Variants in ULK4 observed in about 807,000 individuals in gnomAD.
ULK4 encodes the protein unc-51 like kinase 4.
ULK4 carries 133 observed loss-of-function variants against 160.6 expected under a neutral mutation model. The observed-to-expected ratio is 0.83, with a 90% CI of 0.72 to 0.96. The LOEUF (loss-of-function observed/expected upper bound fraction) is 0.96. Ranked by LOEUF, ULK4 falls within the 40% of genes least tolerant of loss-of-function variation. The pLI is 0.00. For synonymous variants in ULK4, 534 were observed against 539.8 expected (o/e 0.99, Z 0.15); for missense variants, 1,580 against 1,499.5 (o/e 1.05, Z -0.89).
intron 35 of ULK4, among the ~76,000 whole-genome samples, chr3:41,335,593 G>T (rs1483440865): frequency 6.6e-6 from 1 of 152,040 alleles, no homozygotes; most frequent in Non-Finnish European, 1.5e-5. Flanking sequence ...GAAAATTATG[G>T]CCTGTGATGT....
intron 30 of ULK4, among the ~76,000 whole-genome samples, chr3:41,636,210 C>T (rs1359874494): frequency 1.3e-5 from 2 of 152,178 alleles, no homozygotes; most frequent in African/African-American, 4.8e-5. Context: ...AAGCACCCAA[C>T]ACTGTCTGGT....
At chr3:41,848,072 T>C (rs752938107) in intron 17 of ULK4, among the ~76,000 whole-genome samples, 2 of 152,208 alleles carry the variant, frequency 1.3e-5, no homozygotes, top group Admixed American at 1.3e-4. Context: ...TGCATGTTAA[T>C]TGGCTAAATG....
rs143942817 is a variant in ULK4, at chr3:41,413,324, G to A, written c.3493-15060C>T. ...TGGGGACACAGCCAAGCCATATCAG[G>A]CGTGAATATAAAAGCTGAAACTATA... On this transcript the variant is annotated intron_variant, in intron 34 of 36. Coordinates refer to ENST00000301831, the MANE Select transcript of ULK4 (RefSeq NM_017886.4). Among the ~76,000 whole-genome samples the A allele has an allele frequency of 3.8e-3, 581 of 152,256 alleles. 4 individuals are homozygous for A. The highest frequency in any genetic ancestry group is 0.013 in the African/African-American group (527 of 41,544).
chr3:41,263,854 T>G (rs2078986012), intron 35 of ULK4, among the ~76,000 whole-genome samples: 1 of 152,194 alleles, frequency 6.6e-6, no homozygotes. Flanking sequence ...AATAGGACAG[T>G]GTGTATTGAG....
intron 35 of ULK4, among the ~76,000 whole-genome samples, chr3:41,357,700 A>G (rs1034504036): frequency 6.6e-6 from 1 of 152,190 alleles, no homozygotes; most frequent in Admixed American, 6.5e-5. Flanking sequence ...ACAGCTCAGC[A>G]TAGGTATAGG....
chr3:41,282,701 A>G (rs1280102664), intron 35 of ULK4, among the ~76,000 whole-genome samples: 12 of 152,236 alleles, frequency 7.9e-5, no homozygotes. Context: ...AAAACCCTTG[A>G]AGAAAACCTA....
chr3:41,539,374 T>C (rs1253131652), intron 32 of ULK4, among the ~76,000 whole-genome samples: 4 of 152,120 alleles, frequency 2.6e-5, no homozygotes, highest in Non-Finnish European at 5.9e-5. Flanking sequence ...CGATCACTAC[T>C]CTGTACCACC....
chr3:41,874,166 T>C (rs1697216867), intron 17 of ULK4, among the ~76,000 whole-genome samples: 1 of 152,174 alleles, frequency 6.6e-6, no homozygotes. Flanking sequence ...TGATTATGTG[T>C]AGTTGTTCTA....
intron 32 of ULK4, among the ~76,000 whole-genome samples, chr3:41,549,105 T>C (rs2086973153): frequency 6.6e-6 from 1 of 152,070 alleles, no homozygotes; most frequent in Admixed American, 6.5e-5. Flanking sequence ...ACAAGATGCA[T>C]CGATATCAAC....
chr3:41,837,806 C>T (rs187135216), intron 17 of ULK4, among the ~76,000 whole-genome samples: 311 of 152,254 alleles, frequency 2.0e-3, no homozygotes, highest in African/African-American at 7.2e-3. Flanking sequence ...AGTGATCCAC[C>T]CACCTCAGCC....
At position 41,800,146 on chromosome 3, in the gene ULK4, T is replaced by A. The variant is rs1575729615; in HGVS notation, c.1996A>T (p.Ile666Leu). 6.2e-7 allele frequency: 1 copy of A among 1,610,162 alleles called. No individual in the cohort carries two copies. Among genetic ancestry groups the A allele is most frequent in the East Asian group, 2.2e-5 (1 of 44,742 alleles). The change falls in exon 20 of 37, where the codon ATA becomes TTA. Residue 666 changes from isoleucine (I) to leucine (L), a missense_variant. Ile to Leu is a conservative substitution (Grantham distance 5). Coordinates refer to ENST00000301831, the MANE Select transcript of ULK4 (RefSeq NM_017886.4). Reference sequence around the variant, plus strand: ...CTTCATCTTACCGATACTGCTGTTATCCTAAGAGAATCAGCAGTGGAGTGT... The same window carrying A: ...CTTCATCTTACCGATACTGCTGTTAACCTAAGAGAATCAGCAGTGGAGTGT... ...FRHSTADSLR[I>L]TAVSALCRIT... is the part of the protein sequence containing the mutation.
At chr3:41,438,351 G>A (rs1186186542) in intron 34 of ULK4, among the ~76,000 whole-genome samples, 1 of 152,044 alleles carries the variant, frequency 6.6e-6, no homozygotes, top group African/African-American at 2.4e-5. Flanking sequence ...TATTGAGAGC[G>A]TGCTATGGTG....
chr3:41,775,748 A>G (rs766352986), intron 21 of ULK4, among the ~76,000 whole-genome samples: 1 of 150,976 alleles, frequency 6.6e-6, no homozygotes, highest in Non-Finnish European at 1.5e-5. Context: ...ATGGAAATGA[A>G]CTACTCACAT....
Position 41,777,888 on chromosome 3 carries a change from C to T in ULK4, c.2193+11773G>A, listed in dbSNP as rs1010942298. Among the ~76,000 whole-genome samples the T allele has an allele frequency of 3.5e-5, 5 of 143,092 alleles. 2 individuals carry two copies. Among genetic ancestry groups the T allele is most frequent in the Admixed American group, 2.8e-4 (4 of 14,290 alleles). The allele number at this position is 143,092 out of a possible 152,430, so 93.9% of individuals were successfully genotyped here. A position where few individuals can be genotyped will look rare whatever the true frequency, so the allele number is the denominator to read the frequency against. ...CACAGCCAATATCATACTGAATGGGCAAAAACTGGAAGCATTCCCTTTGAA... is the reference window on the plus strand; with the variant it reads ...CACAGCCAATATCATACTGAATGGGTAAAAACTGGAAGCATTCCCTTTGAA... On this transcript the variant is annotated intron_variant, in intron 21 of 36. Transcript: ENST00000301831.
chr3:41,587,738 C>T (rs2030933476), intron 31 of ULK4, among the ~76,000 whole-genome samples: 1 of 152,110 alleles, frequency 6.6e-6, no homozygotes, highest in African/African-American at 2.4e-5. Flanking sequence ...AATAATATTA[C>T]TATATGAATT....
chr3:41,353,699 TTACTACTAC>T (rs4016416), intron 35 of ULK4, among the ~76,000 whole-genome samples: 10,054 of 143,786 alleles, frequency 0.07, 487 homozygotes, highest in African/African-American at 0.13. Flanking sequence ...ATAATTACAA[TTACTACTAC>T]TACTACTACT....
chr3:41,938,286 G>A, intron 2 of ULK4, 89 bp from the exon 3 acceptor site: 1 of 939,964 alleles, frequency 1.1e-6, no homozygotes, highest in South Asian at 1.8e-5. Flanking sequence ...ATTGGTAAAT[G>A]GATAAGAAAA....
chr3:41,576,799 G>A (rs927393259), intron 31 of ULK4, among the ~76,000 whole-genome samples: 9 of 152,138 alleles, frequency 5.9e-5, no homozygotes, highest in Non-Finnish European at 1.0e-4. Context: ...CACTGGTCAA[G>A]CACTCATGAA....
intron 32 of ULK4, among the ~76,000 whole-genome samples, chr3:41,563,552 C>T (rs1045334915): frequency 6.6e-5 from 10 of 152,192 alleles, no homozygotes; most frequent in East Asian, 1.9e-4. Flanking sequence ...AGGCTTTGTT[C>T]GTTTCTTTTT....
Sources: gnomAD v4.1 joint callset for allele counts (sites outside exome capture counted in the v4.1 genomes callset) on GRCh38, gnomAD v4.1.1 for gene constraint, MANE v1.5 for transcripts, NCBI Gene and HGNC (gene_info 2026-07-23, HGNC 2026-07-21) for gene names.